Variants in SEMA5A observed in about 807,000 individuals in gnomAD.
SEMA5A encodes semaphorin 5A.
Under a neutral mutation model 135.5 loss-of-function variants are expected in SEMA5A, and 55 were observed. The ratio of observed to expected loss-of-function variants is 0.41; its 90% confidence interval spans 0.33 to 0.51. The LOEUF is 0.51. Ranked by LOEUF, SEMA5A falls within the 20% of genes least tolerant of loss-of-function variation. SEMA5A has a pLI of 0.37. For missense variants in SEMA5A, 1,290 were observed against 1,419.9 expected, an observed-to-expected ratio of 0.91 and a Z score of 1.47; for synonymous variants, 580 against 546.5, an observed-to-expected ratio of 1.06 and a Z score of -0.85.
At chr5:9,330,404 A>C (rs997009930) in intron 4 of SEMA5A, among the ~76,000 whole-genome samples, 1 of 141,920 alleles carries the variant, frequency 7.0e-6, no homozygotes, top group Non-Finnish European at 1.5e-5. Flanking sequence ...AAAAAAAAAA[A>C]AGTACAGATT....
chr5:9,378,065 A>G (rs1755441547), intron 3 of SEMA5A, among the ~76,000 whole-genome samples: 1 of 152,224 alleles, frequency 6.6e-6, no homozygotes, highest in South Asian at 2.1e-4. Context: ...AAATACATCA[A>G]ATATGTTGAA....
At chr5:9,520,210 C>A (rs1736746441) in intron 1 of SEMA5A, among the ~76,000 whole-genome samples, 1 of 152,208 alleles carries the variant, frequency 6.6e-6, no homozygotes, top group African/African-American at 2.4e-5. Context: ...TCCAACATTT[C>A]CTAAGCACCT....
intron 1 of SEMA5A, among the ~76,000 whole-genome samples, chr5:9,454,384 C>T (rs189270197): frequency 4.4e-4 from 67 of 152,260 alleles, no homozygotes; most frequent in African/African-American, 1.5e-3. Context: ...TCCTGATGAC[C>T]AAGGCTAACC....
intron 11 of SEMA5A, among the ~76,000 whole-genome samples, chr5:9,170,110 C>T (rs1434722009): frequency 6.6e-6 from 1 of 152,080 alleles, no homozygotes; most frequent in Admixed American, 6.6e-5. Flanking sequence ...TGACAATGCC[C>T]CCCTTTTCTA....
intron 1 of SEMA5A, among the ~76,000 whole-genome samples, chr5:9,536,484 A>G (rs1037358917): frequency 1.3e-5 from 2 of 152,048 alleles, no homozygotes; most frequent in South Asian, 4.1e-4. Context: ...ATGATGGTGC[A>G]TGCTTGTATT....
At chr5:9,197,828 T>C (rs1271154782) in intron 9 of SEMA5A, among the ~76,000 whole-genome samples, 1 of 150,832 alleles carries the variant, frequency 6.6e-6, no homozygotes, top group Non-Finnish European at 1.5e-5. Context: ...TTTAAAAAAA[T>C]CAACTCAAAG....
intron 18 of SEMA5A, 138 bp downstream of exon 18, chr5:9,062,749 C>A: frequency 2.3e-6 from 2 of 853,790 alleles, no homozygotes; most frequent in Non-Finnish European, 3.7e-6. Flanking sequence ...GCATGAGCAA[C>A]CACGCATAGC....
intron 13 of SEMA5A, among the ~76,000 whole-genome samples, chr5:9,123,215 C>T (rs1241823032): frequency 1.9e-4 from 25 of 132,830 alleles, no homozygotes; most frequent in African/African-American, 6.8e-4. Context: ...GCCGAGATCG[C>T]ACCACTGCAC....
At chr5:9,528,953 G>A (rs1198873500) in intron 1 of SEMA5A, among the ~76,000 whole-genome samples, 1 of 152,208 alleles carries the variant, frequency 6.6e-6, no homozygotes, top group African/African-American at 2.4e-5. Context: ...CAGAGACCAG[G>A]CAGGGCTTTA....
intron 10 of SEMA5A, among the ~76,000 whole-genome samples, chr5:9,194,222 G>A (rs1049799786): frequency 2.0e-5 from 3 of 152,238 alleles, no homozygotes; most frequent in African/African-American, 7.2e-5. Context: ...CTGAAGCACC[G>A]CCTAGAGTGG....
chr5:9,396,490 G>A (rs1756408025), intron 2 of SEMA5A, among the ~76,000 whole-genome samples: 2 of 152,064 alleles, frequency 1.3e-5, no homozygotes, highest in South Asian at 2.1e-4. Context: ...CAACACCCCA[G>A]AGGATACCTC....
chr5:9,157,248 T>A (rs566442930), intron 11 of SEMA5A, among the ~76,000 whole-genome samples: 146 of 152,320 alleles, frequency 9.6e-4, no homozygotes, highest in African/African-American at 3.4e-3. Flanking sequence ...AACTCCTGCA[T>A]GCTCACATGT....
rs1750960034 is a variant in SEMA5A, at chr5:9,289,414, A to C, written c.270+28958T>G. On this transcript the variant is annotated intron_variant, in intron 5 of 22. Transcript: ENST00000382496. ...AAGTGGACAACTCAAACAGATATAT[A>C]AATCCAATTTCTTGGGAGGCTGAGG... 3.9e-5 allele frequency among the ~76,000 whole-genome samples: 6 copies of C among 152,318 alleles called. No homozygotes were observed. In the South Asian group the frequency reaches 1.2e-3, roughly 32 times the overall value.
Position 9,337,844 on chromosome 5 carries a change from A to T in SEMA5A, c.125-32T>A, listed in dbSNP as rs202004917. Reference sequence around the variant, plus strand: ...AGAAAAAATAAATAAATAAAAAGATAAAAATGAATTATTTTTCCTCTGGGG... The same window carrying T: ...AGAAAAAATAAATAAATAAAAAGATTAAAATGAATTATTTTTCCTCTGGGG... On this transcript the variant is annotated intron_variant, in intron 3 of 22. Coordinates refer to ENST00000382496, the MANE Select transcript of SEMA5A (RefSeq NM_003966.3). The T allele has an allele frequency of 1.7e-5, 25 of 1,453,900 alleles. No individual in the cohort carries two copies. The East Asian group carries it at 6.0e-4, about 35-fold the overall frequency. 90.1% of individuals were successfully genotyped at this position (1,453,900 alleles called of 1,614,324 possible).
rs5865830 is a variant in SEMA5A at position 9,385,794 on chromosome 5, C to CTTTTTTTTT, written c.-77-5780_-77-5772dup. 4.5e-5 allele frequency among the ~76,000 whole-genome samples: 5 copies of CTTTTTTTTT among 109,986 alleles called. 2 individuals carry two copies. Among genetic ancestry groups the CTTTTTTTTT allele is most frequent in the Non-Finnish European group, 5.3e-5 (3 of 56,886 alleles). 72.2% of individuals were successfully genotyped at this position (109,986 alleles called of 152,430 possible). A position where few individuals can be genotyped will look rare whatever the true frequency, so the allele number is the denominator to read the frequency against. On this transcript the variant is annotated intron_variant, in intron 2 of 22. Transcript: ENST00000382496. ...TTGCAGGAGAAGGAGTTGGAAAGCG[C>CTTTTTTTTT]TTTTTTTTTTTTTTTTTTTTGAGAC...
chr5:9,278,382 T>C (rs1750372940), intron 5 of SEMA5A, among the ~76,000 whole-genome samples: 1 of 152,200 alleles, frequency 6.6e-6, no homozygotes, highest in Non-Finnish European at 1.5e-5. Flanking sequence ...AGAGATTATC[T>C]GAAATTGGAA....
chr5:9,476,764 C>G (rs1759681850), intron 1 of SEMA5A, among the ~76,000 whole-genome samples: 1 of 152,132 alleles, frequency 6.6e-6, no homozygotes, highest in Admixed American at 6.5e-5. Context: ...TAAAAATACC[C>G]ATTGCCATTA....
chr5:9,210,258 A>G (rs1024358174), intron 8 of SEMA5A, among the ~76,000 whole-genome samples: 4 of 152,200 alleles, frequency 2.6e-5, no homozygotes, highest in African/African-American at 7.2e-5. Flanking sequence ...GCTTCCTCAC[A>G]TGACTGGAGA....
intron 4 of SEMA5A, among the ~76,000 whole-genome samples, chr5:9,332,604 T>C (rs1336788127): frequency 7.1e-6 from 1 of 141,338 alleles, no homozygotes; most frequent in Admixed American, 7.0e-5. Flanking sequence ...ACGTGTGAAG[T>C]TGTGGGCTGC....
Sources: allele counts gnomAD v4.1 joint callset (sites outside exome capture counted in the v4.1 genomes callset), GRCh38; gene constraint gnomAD v4.1.1; transcripts MANE v1.5; gene names NCBI Gene and HGNC (gene_info 2026-07-23, HGNC 2026-07-21).